The following ELF1 variants were observed in gnomAD, a reference collection of about 807,000 sequenced individuals.
ELF1 encodes ETS-related transcription factor Elf-1.
A neutral mutation model predicts 59.9 loss-of-function variants in ELF1; 24 were observed. The ratio of observed to expected loss-of-function variants is 0.40; its 90% CI spans 0.29 to 0.56. The LOEUF (loss-of-function observed/expected upper bound fraction) is 0.56, where lower values mean the gene tolerates loss of function less well. ELF1 is among the 20% of genes least tolerant of loss of function. ELF1 has a pLI of 0.44. For synonymous variants in ELF1, 248 were observed against 266.2 expected (o/e 0.93, Z 0.67); for missense variants, 627 against 742.2 (o/e 0.84, Z 1.80).
chr13:41,055,772 C>A (rs1009386227), intron 1 of ELF1, among the ~76,000 whole-genome samples: 3 of 151,766 alleles, frequency 2.0e-5, no homozygotes, highest in Non-Finnish European at 2.9e-5. Context: ...GCAGCCTCAA[C>A]CCCCCAGGTT....
At position 40,977,890 on chromosome 13, in the gene ELF1, A is replaced by C. The variant is rs9562259; in HGVS notation, c.72+4093T>G. Reference sequence around the variant, plus strand: ...AATACACTAGGAAGTTCAAAACTGAAGCCTGTACACATGGTAATTTAGTAT... The same window carrying C: ...AATACACTAGGAAGTTCAAAACTGACGCCTGTACACATGGTAATTTAGTAT... On this transcript the variant is annotated intron_variant, in intron 2 of 8. Transcript: ENST00000239882. 2.6e-3 allele frequency among the ~76,000 whole-genome samples: 392 copies of C among 152,336 alleles called. 7 individuals carry two copies. The East Asian group carries it at 0.051, about 20-fold the overall frequency.
At chr13:41,015,713 AT>A (rs1752755729) in intron 1 of ELF1, among the ~76,000 whole-genome samples, 1 of 152,172 alleles carries the variant, frequency 6.6e-6, no homozygotes, top group Non-Finnish European at 1.5e-5. Context: ...TAATACTATC[AT>A]AGTATTACCT....
At chr13:40,988,638 T>C (rs768005736) in intron 1 of ELF1, among the ~76,000 whole-genome samples, 1 of 152,192 alleles carries the variant, frequency 6.6e-6, no homozygotes, top group East Asian at 1.9e-4. Flanking sequence ...AGTTTTACTA[T>C]TATTATCTCC....
intron 1 of ELF1, among the ~76,000 whole-genome samples, chr13:41,000,978 C>CTTT (rs71797488): frequency 6.9e-6 from 1 of 144,148 alleles, no homozygotes; most frequent in African/African-American, 2.5e-5. Context: ...AGGAAAAACA[C>CTTT]TTTTTTTTTT....
chr13:41,038,045 G>C (rs571589820), intron 1 of ELF1, among the ~76,000 whole-genome samples: 6 of 133,374 alleles, frequency 4.5e-5, no homozygotes, highest in Admixed American at 3.2e-4. Context: ...GAAAGACTAT[G>C]TTAGCAAAGT....
chr13:41,036,489 C>T (rs1197377547), intron 1 of ELF1, among the ~76,000 whole-genome samples: 3 of 152,188 alleles, frequency 2.0e-5, no homozygotes, highest in East Asian at 3.8e-4. Context: ...AATAGGAACA[C>T]TGTTACACTG....
rs547374703 is a variant in ELF1, at chr13:41,003,054, G to C, written c.-229+16174C>G. On this transcript the variant is annotated intron_variant, in intron 1 of 8. Coordinates refer to ENST00000239882, the MANE Select transcript of ELF1 (RefSeq NM_172373.4). The stretch of plus-strand genomic sequence containing the variant: ...TAAAATTCTTCATTAAACAGTAAAA[G>C]ATTAGTGTTTTCATATGTTTGTTTT... Among the ~76,000 whole-genome samples the C allele has an allele frequency of 1.1e-4, 16 of 152,244 alleles. No individual in the cohort carries two copies. The East Asian group carries it at 3.1e-3, about 29-fold the overall frequency.
chr13:40,941,855 T>C (rs1870193367), intron 7 of ELF1, among the ~76,000 whole-genome samples: 1 of 152,072 alleles, frequency 6.6e-6, no homozygotes, highest in Non-Finnish European at 1.5e-5. Flanking sequence ...GACTGGGTTT[T>C]GCCATGTTGC....
intron 1 of ELF1, among the ~76,000 whole-genome samples, chr13:41,028,957 C>G (rs1321253474): frequency 1.3e-5 from 2 of 151,694 alleles, no homozygotes; most frequent in Non-Finnish European, 2.9e-5. Context: ...ATTGGCCAGG[C>G]TGGTCTCAAA....
At chr13:41,007,980 G>T (rs1403060375) in intron 1 of ELF1, among the ~76,000 whole-genome samples, 1 of 152,132 alleles carries the variant, frequency 6.6e-6, no homozygotes, top group East Asian at 1.9e-4. Flanking sequence ...CCTGACCAAG[G>T]CTGCACCCTC....
At chr13:41,041,264 A>C (rs1423341963) in intron 1 of ELF1, among the ~76,000 whole-genome samples, 2 of 149,154 alleles carry the variant, frequency 1.3e-5, no homozygotes, top group African/African-American at 4.9e-5. Context: ...TTTCATCAAA[A>C]AAAAAAAAAA....
At chr13:40,989,674 CTT>C (rs1873738389) in intron 1 of ELF1, among the ~76,000 whole-genome samples, 2 of 152,086 alleles carry the variant, frequency 1.3e-5, no homozygotes, top group Admixed American at 1.3e-4. Flanking sequence ...ACAGCTCTAT[CTT>C]GATTTACTTT....
chr13:40,946,358 C>A (rs1870509162), intron 5 of ELF1, among the ~76,000 whole-genome samples: 1 of 152,180 alleles, frequency 6.6e-6, no homozygotes, highest in African/African-American at 2.4e-5. Flanking sequence ...ATATTCATCA[C>A]CCCAAAAGTA....
rs536466698 is a variant in ELF1 at position 41,051,812 on chromosome 13, T to C, written c.-229+9026A>G. Among the ~76,000 whole-genome samples, 4 of 152,300 alleles carry C rather than the reference T, an allele frequency of 2.6e-5. No homozygotes were observed. The South Asian group carries it at 8.3e-4, about 32-fold the overall frequency. On this transcript the variant is annotated intron_variant, in intron 1 of 1. Transcript: ENST00000405737. ...AAGGTGTGTATTCAATAGTGATTAG[T>C]GTGCATTCAAAAATAAAAGATGTTT...
At chr13:40,951,188 C>T in intron 4 of ELF1, 141 bp downstream of exon 4, 1 of 623,376 alleles carries the variant, frequency 1.6e-6, no homozygotes, top group Non-Finnish European at 2.5e-6. Flanking sequence ...GCAAAGGCAC[C>T]TCAATTCCTA....
chr13:40,959,221 G>A (rs1218872603), intron 2 of ELF1, among the ~76,000 whole-genome samples: 4 of 152,232 alleles, frequency 2.6e-5, no homozygotes, highest in Middle Eastern at 3.4e-3. Context: ...TGAAGGCTGG[G>A]CGCGGTGACT....
In ELF1 at chr13:41,060,911, TGCTGCCGCC is replaced by T. The variant is rs771566828; in HGVS notation, c.-311_-303del. On this transcript the variant is annotated 5_prime_UTR_variant, in exon 1 of 2. Transcript: ENST00000405737. ...GCCGCCTCTGCGCTACTGAAGCTGCTGCTGCCGCCGCCGCCGCCGCCGCCGCCGCCGCCG... is the reference window on the plus strand; with the variant it reads ...GCCGCCTCTGCGCTACTGAAGCTGCTGCCGCCGCCGCCGCCGCCGCCGCCG... 453 of 264,452 alleles carry T rather than the reference TGCTGCCGCC, an allele frequency of 1.7e-3. 9 individuals carry two copies. The highest frequency in any genetic ancestry group is 0.016 in the East Asian group (141 of 8,708). The allele number at this position is 264,452 out of a possible 1,614,324, so 16.4% of individuals were successfully genotyped here.
intron 1 of ELF1, among the ~76,000 whole-genome samples, chr13:41,029,782 TTC>T (rs1253046198): frequency 2.0e-5 from 3 of 152,216 alleles, no homozygotes; most frequent in Non-Finnish European, 4.4e-5. Context: ...GAAAGGTGAA[TTC>T]TCTCTTTCTT....
At chr13:40,997,379 T>C (rs1356459889) in intron 1 of ELF1, among the ~76,000 whole-genome samples, 1 of 152,090 alleles carries the variant, frequency 6.6e-6, no homozygotes, top group Non-Finnish European at 1.5e-5. Context: ...TGCCTCTGCC[T>C]CCCGAGTAGC....
Sources: gnomAD v4.1 joint callset for allele counts (sites outside exome capture counted in the v4.1 genomes callset) on GRCh38, gnomAD v4.1.1 for gene constraint, MANE v1.5 for transcripts, NCBI Gene and HGNC (gene_info 2026-07-23, HGNC 2026-07-21) for gene names.